The following FCHO1 variants were observed in gnomAD, a reference collection of about 807,000 sequenced individuals.
The protein encoded by FCHO1 is FCH and mu domain containing endocytic adaptor 1, also known as F-BAR domain only protein 1.
Under a neutral mutation model 114.4 loss-of-function variants are expected in FCHO1, and 45 were observed. The observed-to-expected ratio is 0.39, with a 90% CI of 0.31 to 0.50. The LOEUF is 0.50. Ranked by LOEUF, FCHO1 falls within the 20% of genes least tolerant of loss-of-function variation. FCHO1 has a pLI of 0.77. For missense variants in FCHO1, 1,042 were observed against 1,209.6 expected, an observed-to-expected ratio of 0.86 and a Z score of 2.06; for synonymous variants, 480 against 488.9, an observed-to-expected ratio of 0.98 and a Z score of 0.24.
chr19:17,772,042 C>T (rs1257463130), intron 9 of FCHO1, among the ~76,000 whole-genome samples: 2 of 152,164 alleles, frequency 1.3e-5, no homozygotes, highest in African/African-American at 2.4e-5. Flanking sequence ...AATTCCTGAC[C>T]TCAGATGATC....
At chr19:17,777,151 G>A (rs568388667) in intron 18 of FCHO1, among the ~76,000 whole-genome samples, 10 of 152,078 alleles carry the variant, frequency 6.6e-5, no homozygotes, top group Non-Finnish European at 1.3e-4. Flanking sequence ...CATTTATTGA[G>A]TGCCTGCTGT....
At chr19:17,763,888 T>C (rs1307069178) in intron 5 of FCHO1, among the ~76,000 whole-genome samples, 2 of 151,130 alleles carry the variant, frequency 1.3e-5, no homozygotes, top group Non-Finnish European at 3.0e-5. Context: ...TAAAATATAT[T>C]ACGTAAGAAA....
chr19:17,748,331 C>T (rs988040849), upstream of FCHO1, among the ~76,000 whole-genome samples: 12 of 152,124 alleles, frequency 7.9e-5, no homozygotes, highest in African/African-American at 2.4e-4. Flanking sequence ...GTCACCTGGC[C>T]CCTCCTCTAA....
intron 4 of FCHO1, among the ~76,000 whole-genome samples, chr19:17,760,941 G>A (rs1568324446): frequency 6.6e-6 from 1 of 152,016 alleles, no homozygotes; most frequent in African/African-American, 2.4e-5. Flanking sequence ...GAGCCACCGC[G>A]CCTAACCTCC....
At chr19:17,763,259 CTTTT>C (rs11349881) in intron 5 of FCHO1, among the ~76,000 whole-genome samples, 6 of 96,032 alleles carry the variant, frequency 6.2e-5, no homozygotes, top group African/African-American at 1.7e-4. Context: ...CCACATCTGG[CTTTT>C]TTTTTTTTTT....
At chr19:17,779,465 T>C (rs917901138) in intron 20 of FCHO1, among the ~76,000 whole-genome samples, 1 of 149,570 alleles carries the variant, frequency 6.7e-6, no homozygotes, top group Admixed American at 6.6e-5. Flanking sequence ...AAGTAGGCGA[T>C]GGGGGTAAGG....
rs1332629143 is a variant in FCHO1 at position 17,775,813 on chromosome 19, G to C, written c.1004-170G>C. On this transcript the variant is annotated intron_variant, in intron 15 of 28. Coordinates refer to ENST00000596536, the MANE Select transcript of FCHO1 (RefSeq NM_015122.3). This position sits in a 1 kb window ranked among gnomAD's most constrained non-coding sequence, Gnocchi z 5.1. ...TGCTTGTGCAAAGGCTTCTCGGGGG[G>C]GGTGGGAGTGCTGGTGGGACATGGT... Among the ~76,000 whole-genome samples, 2 of 152,002 alleles carry C rather than the reference G, an allele frequency of 1.3e-5. No homozygotes were observed. Among genetic ancestry groups the C allele is most frequent in the Non-Finnish European group, 2.9e-5 (2 of 67,982 alleles).
intron 26 of FCHO1, 57 bp from the exon 27 acceptor site, chr19:17,786,517 C>A (rs373215157): frequency 2.2e-4 from 350 of 1,577,956 alleles, no homozygotes; most frequent in Non-Finnish European, 2.6e-4. Context: ...GAGGCAGGAC[C>A]CTGGGCTCTC....
chr19:17,750,504 G>A (rs1404376888), upstream of FCHO1, among the ~76,000 whole-genome samples: 2 of 152,260 alleles, frequency 1.3e-5, no homozygotes, highest in East Asian at 3.9e-4. Context: ...TGTCACCCAG[G>A]CTGGAGTGCA....
chr19:17,759,226 C>CTTTTTTTTTTTTTTTT lies in FCHO1; in HGVS notation c.28-3522_28-3521insTTTTTTTTTTTTTTTT, dbSNP rs1473282318. Among the ~76,000 whole-genome samples the CTTTTTTTTTTTTTTTT allele has an allele frequency of 1.8e-3, 190 of 105,880 alleles. 15 individuals carry two copies. The highest frequency in any genetic ancestry group is 2.8e-3 in the African/African-American group (77 of 27,806). 69.5% of individuals were successfully genotyped at this position (105,880 alleles called of 152,430 possible). A position where few individuals can be genotyped will look rare whatever the true frequency, so the allele number is the denominator to read the frequency against. ...GTTCCCTCAGACCCCAGCTGATTACCTTTTTTTTTTTTTTGAGACAGAGTC... is the reference window on the plus strand; with the variant it reads ...GTTCCCTCAGACCCCAGCTGATTACCTTTTTTTTTTTTTTTTTTTTTTTTTTTTTTGAGACAGAGTC... On this transcript the variant is annotated intron_variant, in intron 4 of 28. Coordinates refer to ENST00000596536, the MANE Select transcript of FCHO1 (RefSeq NM_015122.3).
intron 7 of FCHO1, among the ~76,000 whole-genome samples, chr19:17,769,632 CAA>C (rs1340533021): frequency 2.2e-5 from 3 of 137,006 alleles, no homozygotes; most frequent in East Asian, 2.3e-4. Context: ...CACACACACA[CAA>C]AACGGTGAGT....
chr19:17,748,859 A>T (rs2081257972), upstream of FCHO1, among the ~76,000 whole-genome samples: 1 of 152,186 alleles, frequency 6.6e-6, no homozygotes, highest in Admixed American at 6.5e-5. Context: ...ATTTTGTCCA[A>T]TGGTGATTCA....
intron 11 of FCHO1, among the ~76,000 whole-genome samples, chr19:17,773,136 G>A (rs1282176554): frequency 6.6e-6 from 1 of 152,218 alleles, no homozygotes; most frequent in Non-Finnish European, 1.5e-5. Flanking sequence ...TTGAGCAAAA[G>A]AACAATTTGG....
chr19:17,765,882 C>CTTTTTT (rs397859350), intron 6 of FCHO1, among the ~76,000 whole-genome samples: 2 of 60,144 alleles, frequency 3.3e-5, no homozygotes, highest in African/African-American at 7.5e-5. Context: ...CTTAGTCACT[C>CTTTTTT]TTTTTTTTTT....
At chr19:17,760,473 C>T (rs2085685368) in intron 4 of FCHO1, among the ~76,000 whole-genome samples, 1 of 152,144 alleles carries the variant, frequency 6.6e-6, no homozygotes, top group South Asian at 2.1e-4. Flanking sequence ...TTTCATGCGG[C>T]AGAGGGTCCC....
chr19:17,748,203 G>T (rs961196680), upstream of FCHO1, among the ~76,000 whole-genome samples: 3 of 152,290 alleles, frequency 2.0e-5, no homozygotes, highest in Admixed American at 2.0e-4. Flanking sequence ...GGGACCACCC[G>T]CAGATTCCCT....
rs768702939 is a variant in FCHO1, at chr19:17,766,743, G to A, written c.269G>A (p.Arg90Gln). ...GCGCTGTGCCACCTGGAACTGACAC[G>A]GAAGTTACAGGATCTCATCAAGGAC... ...KLALCHLELTRKLQDLIKDVL... is the reference protein window; with the variant it reads ...KLALCHLELTQKLQDLIKDVL... The change falls in exon 7 of 29, where the codon CGG becomes CAG. Residue 90 changes from arginine to glutamine, a missense_variant. Around this residue, in one of 3 missense-constraint regions of FCHO1, gnomAD observed 450 missense variants for 564.1 expected, o/e 0.80. Coordinates refer to ENST00000596536, the MANE Select transcript of FCHO1 (RefSeq NM_015122.3). 3.1e-6 allele frequency: 5 copies of A among 1,614,126 alleles called. No homozygotes were observed. Among genetic ancestry groups the A allele is most frequent in the South Asian group, 2.2e-5 (2 of 91,086 alleles).
intron 4 of FCHO1, among the ~76,000 whole-genome samples, chr19:17,756,436 C>G (rs762034859): frequency 6.6e-6 from 1 of 152,208 alleles, no homozygotes; most frequent in Non-Finnish European, 1.5e-5. Context: ...GTGAGGCGTG[C>G]AGGCTCGCTG....
chr19:17,767,387 A>C (rs2089674075), intron 7 of FCHO1, among the ~76,000 whole-genome samples: 1 of 91,114 alleles, frequency 1.1e-5, no homozygotes, highest in Non-Finnish European at 2.4e-5. Flanking sequence ...GGGAGACCCC[A>C]TCTTTACCAA....
Sources: allele counts gnomAD v4.1 joint callset (sites outside exome capture counted in the v4.1 genomes callset), GRCh38; gene constraint gnomAD v4.1.1; regional missense constraint gnomAD v4.1.1; non-coding constraint Gnocchi (gnomAD v3.1); transcripts MANE v1.5; gene names NCBI Gene and HGNC (gene_info 2026-07-23, HGNC 2026-07-21).